Variants in CELF2 observed in about 807,000 individuals in gnomAD.
CELF2 encodes the protein CUGBP Elav-like family member 2, also known as CUG triplet repeat RNA-binding protein 2.
A neutral mutation model predicts 62.6 loss-of-function variants in CELF2; 8 were observed. That is an observed-to-expected ratio of 0.13 (90% CI 0.07 to 0.23). The LOEUF is 0.23. CELF2 is among the 10% of genes least tolerant of loss of function. CELF2 has a pLI of 1.00. For synonymous variants in CELF2, 258 were observed against 250.0 expected, an observed-to-expected ratio of 1.03 and a Z score of -0.30; for missense variants, 333 against 671.0, an observed-to-expected ratio of 0.50 and a Z score of 5.56.
chr10:11,009,904 C>T lies in CELF2; in HGVS notation c.53+4464C>T, dbSNP rs114056700. Among the ~76,000 whole-genome samples, 428 of 152,374 alleles carry T rather than the reference C, an allele frequency of 2.8e-3. 2 individuals are homozygous for T. Among genetic ancestry groups the T allele is most frequent in the African/African-American group, 9.9e-3 (410 of 41,596 alleles). On this transcript the variant is annotated intron_variant, in intron 1 of 12. Transcript: ENST00000416382. ...TTCATCCCCTTCTTCAGAAGGCCTGCAGCTGCAATCAGTAGAAAACTCTGT... is the reference window on the plus strand; with the variant it reads ...TTCATCCCCTTCTTCAGAAGGCCTGTAGCTGCAATCAGTAGAAAACTCTGT...
chr10:11,208,309 G>A (rs547562991), intron 2 of CELF2, among the ~76,000 whole-genome samples: 2 of 152,274 alleles, frequency 1.3e-5, no homozygotes, highest in South Asian at 4.1e-4. Flanking sequence ...AGGCACGCAG[G>A]TTGATGAGAT....
intron 11 of CELF2, among the ~76,000 whole-genome samples, chr10:11,325,062 G>A (rs1566003816): frequency 6.6e-6 from 1 of 152,208 alleles, no homozygotes; most frequent in Non-Finnish European, 1.5e-5. Flanking sequence ...GGGCAGCTTA[G>A]GAGCACGCAC....
At chr10:10,858,446 T>C (rs1356226519) in intron 1 of CELF2, among the ~76,000 whole-genome samples, 2 of 152,108 alleles carry the variant, frequency 1.3e-5, no homozygotes, top group Non-Finnish European at 2.9e-5. Flanking sequence ...ACAGGCATAA[T>C]GAGATAGAAA....
the CELF2 span, among the ~76,000 whole-genome samples, chr10:10,605,978 T>C: frequency 6.6e-6 from 1 of 152,198 alleles, no homozygotes; most frequent in South Asian, 2.1e-4. Flanking sequence ...TCTGCCAACA[T>C]TTTCAGGGCG....
chr10:10,857,639 CATATATATAGTATATATATATATAT>C (rs1435094226), intron 1 of CELF2, among the ~76,000 whole-genome samples: 2 of 79,088 alleles, frequency 2.5e-5, no homozygotes, highest in South Asian at 9.4e-4. Flanking sequence ...TGGTAAACTA[CATATATATAGTATATATATATATAT>C]ATATATATAT....
At chr10:10,751,347 G>C in the CELF2 span, among the ~76,000 whole-genome samples, 3 of 152,224 alleles carry the variant, frequency 2.0e-5, no homozygotes, top group Non-Finnish European at 2.9e-5. Flanking sequence ...TCTGGAGGTA[G>C]AGACACAAAT....
rs1185443508 is a variant in CELF2, at chr10:11,328,865, C to T, written c.1439-61C>T. On this transcript the variant is annotated intron_variant, in intron 12 of 12. Coordinates refer to ENST00000633077, the MANE Select transcript of CELF2 (RefSeq NM_001326342.2). The surrounding 1 kb of genome is among the most constrained non-coding windows in gnomAD (Gnocchi z 6.4). ...TCAGCCTTCCCCAGAGCTCCAGCCC[C>T]CTTTTCTGTTTTCTGCTGGGCTTCC... 5 of 1,562,002 alleles carry T rather than the reference C, an allele frequency of 3.2e-6. No homozygotes were observed. In the African/African-American group the frequency reaches 5.4e-5, roughly 17 times the overall value.
chr10:10,978,606 C>T (rs1397054662), intron 2 of CELF2, among the ~76,000 whole-genome samples: 1 of 152,162 alleles, frequency 6.6e-6, no homozygotes. Flanking sequence ...TTGTACTACA[C>T]ATGCCAAGAA....
intron 2 of CELF2, among the ~76,000 whole-genome samples, chr10:10,978,554 G>A (rs1307182872): frequency 6.6e-6 from 1 of 152,170 alleles, no homozygotes; most frequent in Non-Finnish European, 1.5e-5. Flanking sequence ...ACAACTACAT[G>A]TTAATCAGTG....
At chr10:10,638,606 A>G in the CELF2 span, among the ~76,000 whole-genome samples, 1 of 152,226 alleles carries the variant, frequency 6.6e-6, no homozygotes, top group Non-Finnish European at 1.5e-5. Context: ...GAGGGCACCC[A>G]TTGGTAGCAT....
intron 1 of CELF2, among the ~76,000 whole-genome samples, chr10:11,072,840 G>A (rs574457107): frequency 1.2e-4 from 18 of 151,748 alleles, no homozygotes; most frequent in African/African-American, 2.7e-4. Context: ...ATTATAAAAC[G>A]GAGGTATGCT....
intron 2 of CELF2, among the ~76,000 whole-genome samples, chr10:11,176,892 G>A (rs2071385691): frequency 6.6e-6 from 1 of 152,190 alleles, no homozygotes; most frequent in African/African-American, 2.4e-5. Flanking sequence ...TGGTGGGTTA[G>A]CGTTAGAGTG....
chr10:11,160,023 A>G (rs956156294), intron 1 of CELF2, among the ~76,000 whole-genome samples: 2 of 152,238 alleles, frequency 1.3e-5, no homozygotes, highest in Admixed American at 1.3e-4. Context: ...AGTGTCAGTG[A>G]CACCTTGTCA....
At position 11,266,643 on chromosome 10, in the gene CELF2, C is replaced by G; in HGVS notation, c.584C>G (p.Ala195Gly). ...TCTACAAGGGCAATGGCACAGAATGCAATCAAAGCCATGCATCAGTCTCAG... is the reference window on the plus strand; with the variant it reads ...TCTACAAGGGCAATGGCACAGAATGGAATCAAAGCCATGCATCAGTCTCAG... ...TFSTRAMAQNAIKAMHQSQTM... is the reference protein window; with the variant it reads ...TFSTRAMAQNGIKAMHQSQTM... The change falls in exon 6 of 13, where the codon GCA becomes GGA. Residue 195 changes from alanine to glycine, a missense_variant. Transcript: ENST00000633077. 1 of 1,613,948 alleles carries G rather than the reference C, an allele frequency of 6.2e-7. No homozygotes were observed. The highest frequency in any genetic ancestry group is 8.5e-7 in the Non-Finnish European group (1 of 1,179,868).
At position 11,296,267 on chromosome 10, in the gene CELF2, CTG is replaced by C. The variant is rs2093172290; in HGVS notation, c.976+7718_976+7719del. Among the ~76,000 whole-genome samples, 1 of 152,182 alleles carries C rather than the reference CTG, an allele frequency of 6.6e-6. No homozygotes were observed. The highest frequency in any genetic ancestry group is 6.5e-5 in the Admixed American group (1 of 15,284). On this transcript the variant is annotated intron_variant, in intron 9 of 12. Transcript: ENST00000633077. This position sits in a 1 kb window ranked among gnomAD's most constrained non-coding sequence, Gnocchi z 5.0. ...TTTTTGCTGTTGGTGGCGCTGGACTCTGTGCTAAGTGTGATTTGTTTTTAAAT... is the reference window on the plus strand; with the variant it reads ...TTTTTGCTGTTGGTGGCGCTGGACTCTGCTAAGTGTGATTTGTTTTTAAAT...
chr10:10,659,187 C>T, the CELF2 span, among the ~76,000 whole-genome samples: 2 of 152,058 alleles, frequency 1.3e-5, no homozygotes, highest in Admixed American at 6.6e-5. Context: ...TTTCTTGATC[C>T]GACTAATCCC....
chr10:10,869,570 A>G (rs2060605063), intron 1 of CELF2, among the ~76,000 whole-genome samples: 1 of 151,396 alleles, frequency 6.6e-6, no homozygotes, highest in African/African-American at 2.4e-5. Context: ...ATCTGGGGGA[A>G]AAAAAAATGG....
chr10:10,842,352 C>A (rs937737650), intron 1 of CELF2, among the ~76,000 whole-genome samples: 1 of 152,004 alleles, frequency 6.6e-6, no homozygotes, highest in African/African-American at 2.4e-5. Context: ...TAAGAAAGGA[C>A]ATCTTTTCCT....
chr10:11,063,620 TATC>T (rs1441335520), intron 1 of CELF2, among the ~76,000 whole-genome samples: 2 of 152,388 alleles, frequency 1.3e-5, no homozygotes, highest in East Asian at 1.9e-4. Context: ...GAAATCTAAA[TATC>T]ATATCCTTTT....
Sources: gnomAD v4.1 joint callset for allele counts (sites outside exome capture counted in the v4.1 genomes callset) on GRCh38, gnomAD v4.1.1 for gene constraint, Gnocchi (gnomAD v3.1) non-coding constraint, MANE v1.5 for transcripts, NCBI Gene and HGNC (gene_info 2026-07-23, HGNC 2026-07-21) for gene names.